The following PCDHA3 variants were observed in gnomAD, a reference collection of about 807,000 sequenced individuals.
The protein encoded by PCDHA3 is protocadherin alpha-3.
PCDHA3 carries 41 observed loss-of-function variants against 62.2 expected under a neutral mutation model. That is an observed-to-expected ratio of 0.66 (90% confidence interval 0.51 to 0.86). The LOEUF (loss-of-function observed/expected upper bound fraction) is 0.86. PCDHA3 is among the 40% of genes least tolerant of loss of function. The pLI is 0.00. For missense variants in PCDHA3, 1,304 were observed against 1,241.2 expected (o/e 1.05, Z -0.76); for synonymous variants, 640 against 555.4 (o/e 1.15, Z -2.14).
intron 1 of PCDHA3, among the ~76,000 whole-genome samples, chr5:140,831,517 C>T (rs1771584524): frequency 7.7e-6 from 1 of 129,936 alleles, no homozygotes; most frequent in East Asian, 2.2e-4. Context: ...CCATGCCCCC[C>T]ACCTTTTTTT....
In PCDHA3 at chr5:140,870,216, C is replaced by G. The variant is rs1554163914; in HGVS notation, c.2394+66625C>G. On this transcript the variant is annotated intron_variant, in intron 1 of 3. Transcript: ENST00000522353. Reference sequence around the variant, plus strand: ...AGCCCAGCACGGTCATTGCCCTGATCAGCGTGTCTGACCGTGACTCAGGTG... The same window carrying G: ...AGCCCAGCACGGTCATTGCCCTGATGAGCGTGTCTGACCGTGACTCAGGTG... 3 of 1,614,070 alleles carry G rather than the reference C, an allele frequency of 1.9e-6. No homozygotes were observed. Among genetic ancestry groups the G allele is most frequent in the Admixed American group, 3.3e-5 (2 of 60,012 alleles).
In PCDHA3 at chr5:140,853,104, C is replaced by T. The variant is rs1299242689; in HGVS notation, c.2394+49513C>T. 2.1e-5 allele frequency: 8 copies of T among 388,186 alleles called. 1 individual carries two copies. The highest frequency in any genetic ancestry group is 4.4e-5 in the African/African-American group (2 of 45,392). 24.0% of individuals were successfully genotyped at this position (388,186 alleles called of 1,614,324 possible). A position where few individuals can be genotyped will look rare whatever the true frequency, so the allele number is the denominator to read the frequency against. ...CCGTGTTAGTCAGGATGGTCTCGAT[C>T]TCCTGACCTCATGATCCTCCCGCCT... On this transcript the variant is annotated intron_variant, in intron 1 of 3. Coordinates refer to ENST00000522353, the MANE Select transcript of PCDHA3 (RefSeq NM_018906.3).
At chr5:140,871,082 C>G in intron 1 of PCDHA3, 1 of 1,613,246 alleles carries the variant, frequency 6.2e-7, no homozygotes, top group South Asian at 1.1e-5. Context: ...GCGCTGACGG[C>G]CACGGCCACC....
intron 1 of PCDHA3, among the ~76,000 whole-genome samples, chr5:140,955,262 C>CT (rs1165777806): frequency 1.3e-5 from 2 of 152,044 alleles, no homozygotes; most frequent in African/African-American, 2.4e-5. Flanking sequence ...TATAAAGGCT[C>CT]TTTTTTGGTT....
chr5:140,834,540 G>C, intron 1 of PCDHA3: 1 of 1,614,082 alleles, frequency 6.2e-7, no homozygotes, highest in Non-Finnish European at 8.5e-7. Context: ...GCAGGACCTG[G>C]GGCTGGAGCT....
intron 1 of PCDHA3, chr5:140,842,671 C>A: frequency 1.9e-6 from 3 of 1,595,454 alleles, no homozygotes; most frequent in Non-Finnish European, 2.6e-6. Flanking sequence ...ACGTGAACGA[C>A]AATGCTCCGG....
intron 1 of PCDHA3, among the ~76,000 whole-genome samples, chr5:140,901,939 A>G (rs1583441166): frequency 6.6e-6 from 1 of 151,884 alleles, no homozygotes; most frequent in Non-Finnish European, 1.5e-5. Flanking sequence ...TCCTAGGTAT[A>G]TTTAGTTTTA....
chr5:140,928,697 G>A (rs1554206190), intron 1 of PCDHA3: 1 of 1,614,122 alleles, frequency 6.2e-7, no homozygotes, highest in Non-Finnish European at 8.5e-7. Context: ...CACATCTCCC[G>A]GGCGTCTGAC....
intron 1 of PCDHA3, chr5:140,812,676 C>G (rs782182671): frequency 6.6e-6 from 1 of 152,162 alleles, no homozygotes; most frequent in Non-Finnish European, 1.5e-5. Context: ...TACAGAGGCA[C>G]GATCATAGCT....
Position 140,850,923 on chromosome 5 carries a change from A to T in PCDHA3, c.2394+47332A>T, listed in dbSNP as rs2150502523. The stretch of plus-strand genomic sequence containing the variant: ...TTCTAGCATTTTATTTATTTATATA[A>T]TTTTTTTTCTTGAAAGATATTATCG... On this transcript the variant is annotated intron_variant, in intron 1 of 3. Transcript: ENST00000522353. 9.9e-6 allele frequency: 15 copies of T among 1,521,828 alleles called. 1 individual carries two copies. In the African/African-American group the frequency reaches 1.4e-4, roughly 14 times the overall value. The allele number at this position is 1,521,828 out of a possible 1,614,324, so 94.3% of individuals were successfully genotyped here.
intron 1 of PCDHA3, among the ~76,000 whole-genome samples, chr5:140,817,888 A>G (rs186786507): frequency 3.3e-5 from 5 of 152,342 alleles, no homozygotes; most frequent in Admixed American, 3.3e-4. Context: ...TATTTTTGCC[A>G]GCACTTTTAA....
intron 2 of PCDHA3, among the ~76,000 whole-genome samples, chr5:140,981,680 C>T (rs1238332235): frequency 6.6e-6 from 1 of 151,746 alleles, no homozygotes; most frequent in Non-Finnish European, 1.5e-5. Flanking sequence ...CTTCCTTCCT[C>T]CCTTCCATCA....
chr5:140,997,781 C>G (rs1207024588), intron 3 of PCDHA3, among the ~76,000 whole-genome samples: 1 of 151,626 alleles, frequency 6.6e-6, no homozygotes, highest in Non-Finnish European at 1.5e-5. Context: ...TGTTGTATAC[C>G]TATATTATAA....
intron 1 of PCDHA3, among the ~76,000 whole-genome samples, chr5:140,872,601 AAAT>A (rs1346815805): frequency 2.6e-5 from 4 of 152,140 alleles, no homozygotes; most frequent in African/African-American, 7.2e-5. Flanking sequence ...CCATCTGAAA[AAAT>A]AATTTTTTTT....
chr5:141,006,048 G>T (rs1158028347), intron 3 of PCDHA3, among the ~76,000 whole-genome samples: 1 of 150,984 alleles, frequency 6.6e-6, no homozygotes, highest in Non-Finnish European at 1.5e-5. Context: ...TTGTAGATGA[G>T]AGTGGAGAAG....
chr5:140,896,390 C>A, intron 1 of PCDHA3, among the ~76,000 whole-genome samples: 1 of 152,124 alleles, frequency 6.6e-6, no homozygotes, highest in Non-Finnish European at 1.5e-5. Flanking sequence ...ACCTCACCAG[C>A]ATCTGTTATT....
chr5:140,843,630 T>C (rs1554140293), intron 1 of PCDHA3: 3 of 1,595,936 alleles, frequency 1.9e-6, no homozygotes, highest in Non-Finnish European at 2.6e-6. Flanking sequence ...ACGGACCTCA[T>C]GGCCTTCAGC....
intron 1 of PCDHA3, chr5:140,821,759 AT>A (rs2150110485): frequency 6.3e-7 from 1 of 1,588,004 alleles, no homozygotes; most frequent in Non-Finnish European, 8.6e-7. Flanking sequence ...AAAGCTCATA[AT>A]TGGAACGAGA....
intron 1 of PCDHA3, chr5:140,968,908 A>G: frequency 6.2e-7 from 1 of 1,614,182 alleles, no homozygotes; most frequent in Non-Finnish European, 8.5e-7. Context: ...CATTAAGCAC[A>G]GTGTCTTTTA....
Sources: allele counts gnomAD v4.1 joint callset (sites outside exome capture counted in the v4.1 genomes callset), GRCh38; gene constraint gnomAD v4.1.1; transcripts MANE v1.5; gene names NCBI Gene and HGNC (gene_info 2026-07-23, HGNC 2026-07-21).